OR6B3: variants seen among roughly 807,000 people sequenced by gnomAD.
OR6B3 encodes olfactory receptor family 6 subfamily B member 3.
For missense variants in OR6B3, 315 were observed against 427.4 expected (o/e 0.74, Z 2.32); for synonymous variants, 148 against 187.8 (o/e 0.79, Z 1.73).
chr2:240,045,270 C>T lies in OR6B3; in HGVS notation c.803G>A (p.Arg268Gln), dbSNP rs368183769. 147 of 1,614,112 alleles carry T rather than the reference C, an allele frequency of 9.1e-5. No individual in the cohort carries two copies. Among genetic ancestry groups the T allele is most frequent in the South Asian group, 5.1e-4 (46 of 91,072 alleles). ...AACAGAGATGAGCTTGTTGGAGCTCCGGGAATCAATGGCCTGGGGCCGGAC... is the reference window on the plus strand; with the variant it reads ...AACAGAGATGAGCTTGTTGGAGCTCTGGGAATCAATGGCCTGGGGCCGGAC... The change falls in exon 2 of 2, where the codon CGG (arginine) becomes CAG (glutamine). Residue 268 changes from arginine (R) to glutamine (Q), a missense_variant. By Grantham distance (43) the Arg-to-Gln change is conservative (BLOSUM62 1). Transcript: ENST00000641019.
chr2:240,053,357 G>A, the OR6B3 span, among the ~76,000 whole-genome samples: 1 of 152,208 alleles, frequency 6.6e-6, no homozygotes, highest in Admixed American at 6.5e-5. The surrounding 1 kb of genome is among the most constrained non-coding windows in gnomAD (Gnocchi z 4.1). Flanking sequence ...CACCGTTCAA[G>A]GTCCTGCACT....
At chr2:240,053,206 T>G in the OR6B3 span, among the ~76,000 whole-genome samples, 1 of 152,230 alleles carries the variant, frequency 6.6e-6, no homozygotes, top group East Asian at 1.9e-4. This position sits in a 1 kb window ranked among gnomAD's most constrained non-coding sequence, Gnocchi z 4.1. Context: ...TTGGGTATAT[T>G]GGGATGTCAT....
chr2:240,044,760 T>C (rs1276137942), downstream of OR6B3, among the ~76,000 whole-genome samples: 1 of 152,252 alleles, frequency 6.6e-6, no homozygotes, highest in Non-Finnish European at 1.5e-5. Flanking sequence ...GAGCTCATTT[T>C]GCCACATGGT....
upstream of OR6B3, among the ~76,000 whole-genome samples, chr2:240,048,531 G>A (rs1192771440): frequency 6.6e-6 from 1 of 152,126 alleles, no homozygotes; most frequent in Non-Finnish European, 1.5e-5. Flanking sequence ...ACCTCTTGCT[G>A]CGCACCCACT....
upstream of OR6B3, among the ~76,000 whole-genome samples, chr2:240,050,290 G>A (rs1478250677): frequency 6.6e-6 from 1 of 152,198 alleles, no homozygotes; most frequent in African/African-American, 2.4e-5. Flanking sequence ...CAAAAAGAAA[G>A]CATGACTGCA....
chr2:240,045,187 C>T (rs374262610), exon 2 of OR6B3: 1 of 1,614,210 alleles, frequency 6.2e-7, no homozygotes, highest in Non-Finnish European at 8.5e-7. Context: ...TTCTTAAATT[C>T]CTTATTCCTC....
upstream of OR6B3, among the ~76,000 whole-genome samples, chr2:240,048,680 G>A (rs954204451): frequency 2.0e-5 from 3 of 152,152 alleles, no homozygotes; most frequent in Admixed American, 2.0e-4. Context: ...GGAGTGACAG[G>A]GGTCTGCCCA....
chr2:240,050,363 T>C (rs1271478154), upstream of OR6B3, among the ~76,000 whole-genome samples: 1 of 152,212 alleles, frequency 6.6e-6, no homozygotes, highest in African/African-American at 2.4e-5. Context: ...TATAAACCTT[T>C]TAGTGAATAA....
chr2:240,045,278 A>G, exon 2 of OR6B3: 1 of 1,614,244 alleles, frequency 6.2e-7, no homozygotes, highest in Non-Finnish European at 8.5e-7. Flanking sequence ...TCCGGGAATC[A>G]ATGGCCTGGG....
upstream of OR6B3, among the ~76,000 whole-genome samples, chr2:240,048,271 G>A (rs1031769169): frequency 9.2e-5 from 14 of 152,200 alleles, no homozygotes; most frequent in African/African-American, 3.4e-4. Flanking sequence ...GTAGAACTGT[G>A]TAAAGTGGAG....
the OR6B3 span, among the ~76,000 whole-genome samples, chr2:240,052,749 G>C: frequency 6.6e-6 from 1 of 152,222 alleles, no homozygotes; most frequent in Admixed American, 6.5e-5. The surrounding 1 kb of genome is among the most constrained non-coding windows in gnomAD (Gnocchi z 4.5). Context: ...GACACGCATA[G>C]CCTGCTCGTT....
upstream of OR6B3, among the ~76,000 whole-genome samples, chr2:240,047,716 A>G (rs542231724): frequency 1.2e-3 from 183 of 152,382 alleles, 1 homozygote; most frequent in Non-Finnish European, 2.4e-3. Context: ...TAAAAATTCA[A>G]TAAGTCAACA....
upstream of OR6B3, among the ~76,000 whole-genome samples, chr2:240,051,876 C>A (rs1698259274): frequency 6.6e-6 from 1 of 152,182 alleles, no homozygotes; most frequent in African/African-American, 2.4e-5. Context: ...ATAATACCAG[C>A]CTCAACCAAC....
upstream of OR6B3, among the ~76,000 whole-genome samples, chr2:240,050,274 A>G (rs534887493): frequency 6.6e-6 from 1 of 152,374 alleles, no homozygotes; most frequent in East Asian, 1.9e-4. Context: ...CAGATGTATA[A>G]TCAAACAAAA....
rs1285102098 is a variant in OR6B3 at position 240,045,312 on chromosome 2, G to T, written c.761C>A (p.Ala254Asp). The T allele has an allele frequency of 1.9e-6, 3 of 1,614,252 alleles. No individual in the cohort carries two copies. The South Asian group carries it at 3.3e-5, about 18-fold the overall frequency. ...GGGCCGGACATACATGAAAAGCAAG[G>T]CTGTATAGAAGACGGTGACCACGGT... Residue 254 changes from alanine to aspartate, a missense_variant, in exon 2 of 2, where the codon GCC becomes GAC. By Grantham distance (126) the Ala-to-Asp change is moderately radical. Transcript: ENST00000641019.
the OR6B3 span, among the ~76,000 whole-genome samples, chr2:240,053,184 C>T: frequency 6.6e-6 from 1 of 152,214 alleles, no homozygotes; most frequent in Non-Finnish European, 1.5e-5. This position sits in a 1 kb window ranked among gnomAD's most constrained non-coding sequence, Gnocchi z 4.1. Context: ...CAGTTCCTCA[C>T]ACGCCTGTAT....
rs1250011496 is a variant in OR6B3 at position 240,045,673 on chromosome 2, C to T, written c.400G>A (p.Val134Ile). 2.3e-5 allele frequency: 31 copies of T among 1,350,708 alleles called. No homozygotes were observed. The highest frequency in any genetic ancestry group is 4.8e-5 in the East Asian group (2 of 42,038). The allele number at this position is 1,350,708 out of a possible 1,614,324, so 83.7% of individuals were successfully genotyped here. Residue 134 changes from valine to isoleucine, a missense_variant, in exon 2 of 2, where the codon GTC becomes ATC. Val to Ile is a conservative substitution (Grantham distance 29). Coordinates refer to ENST00000641019, the Ensembl canonical transcript of OR6B3. The stretch of plus-strand genomic sequence containing the variant: ...AGGCACAGCCCCGGGGTCACAAGGA[C>T]GTGGTAGCGCAGCGGGTGGCAGATG...
chr2:240,051,706 G>A (rs556887580), upstream of OR6B3, among the ~76,000 whole-genome samples: 125 of 152,348 alleles, frequency 8.2e-4, no homozygotes, highest in African/African-American at 3.0e-3. Context: ...TGGCACTAGC[G>A]TGATTATTTC....
chr2:240,045,383 C>T (rs766977226), exon 2 of OR6B3: 10 of 1,613,962 alleles, frequency 6.2e-6, no homozygotes, highest in African/African-American at 4.0e-5. Context: ...AGCCGGTGGC[C>T]GAGGGGATGC....
Sources: gnomAD v4.1 joint callset for allele counts (sites outside exome capture counted in the v4.1 genomes callset) on GRCh38, gnomAD v4.1.1 for gene constraint, Gnocchi (gnomAD v3.1) non-coding constraint, MANE v1.5 for transcripts, NCBI Gene and HGNC (gene_info 2026-07-23, HGNC 2026-07-21) for gene names.